The following HACD4 variants were observed in gnomAD, a reference collection of about 807,000 sequenced individuals.
The protein encoded by HACD4 is very-long-chain (3R)-3-hydroxyacyl-CoA dehydratase 4.
In HACD4, 35 loss-of-function variants were observed where a neutral mutation model predicts 33.3. That is an observed-to-expected ratio of 1.05 (90% CI 0.80 to 1.39). HACD4 has a LOEUF of 1.39. Among genes scored for constraint, HACD4 ranks in the 40% most tolerant of loss-of-function variants. The pLI, the probability that HACD4 is intolerant of heterozygous loss-of-function variation, is 0.00. For synonymous variants in HACD4, 118 were observed against 98.0 expected (o/e 1.20, Z -1.21); for missense variants, 323 against 276.5 (o/e 1.17, Z -1.19).
intron 3 of HACD4, among the ~76,000 whole-genome samples, chr9:21,021,247 T>G (rs6475498): frequency 6.6e-6 from 1 of 152,000 alleles, no homozygotes; most frequent in South Asian, 2.1e-4. Flanking sequence ...TAAGAGCTAT[T>G]TATGACAAAC....
At chr9:21,031,124 C>A (rs1425618687) in intron 1 of HACD4, among the ~76,000 whole-genome samples, 1 of 152,128 alleles carries the variant, frequency 6.6e-6, no homozygotes, top group Non-Finnish European at 1.5e-5. Flanking sequence ...ACCCCCAGGC[C>A]CTACCGCTAT....
At position 21,029,234 on chromosome 9, in the gene HACD4, CA is replaced by C. The variant is rs1818142002; in HGVS notation, c.142+60del. 11 of 917,758 alleles carry C rather than the reference CA, an allele frequency of 1.2e-5. No individual in the cohort carries two copies. The South Asian group carries it at 1.6e-4, about 13-fold the overall frequency. 56.9% of individuals were successfully genotyped at this position (917,758 alleles called of 1,614,324 possible). A position where few individuals can be genotyped will look rare whatever the true frequency, so the allele number is the denominator to read the frequency against. On this transcript the variant is annotated intron_variant, in intron 2 of 6. Transcript: ENST00000495827. Reference sequence around the variant, plus strand: ...GAGGTGTGTAGAAATTTAATATAAGCAGGATGAGGTGAAAACAAGGATTAAA... The same window carrying C: ...GAGGTGTGTAGAAATTTAATATAAGCGGATGAGGTGAAAACAAGGATTAAA...
In HACD4 at chr9:21,002,703, AG is replaced by A. The variant is rs1842185786; in HGVS notation, c.*4333del. 2 of 152,186 alleles carry A rather than the reference AG, an allele frequency of 1.3e-5. No homozygotes were observed. The highest frequency in any genetic ancestry group is 2.9e-5 in the Non-Finnish European group (2 of 68,018). The allele number at this position is 152,186 out of a possible 1,614,324, so 9.4% of individuals were successfully genotyped here. ...CTGCACACTTAAAAAGGAATAAGAT[AG>A]TATATTTTACATTTTACCACAATAA... On this transcript the variant is annotated 3_prime_UTR_variant, in exon 7 of 7. Coordinates refer to ENST00000495827, the MANE Select transcript of HACD4 (RefSeq NM_001010915.5).
At chr9:21,008,249 A>C in intron 5 of HACD4, 103 bp from the exon 6 acceptor site, 1 of 1,041,880 alleles carries the variant, frequency 9.6e-7, no homozygotes, top group Non-Finnish European at 1.3e-6. Flanking sequence ...TTTGATAATG[A>C]CAGTTTTGTA....
chr9:21,027,390 T>G (rs1257469842), intron 2 of HACD4, among the ~76,000 whole-genome samples: 2 of 152,222 alleles, frequency 1.3e-5, no homozygotes, highest in Non-Finnish European at 2.9e-5. Flanking sequence ...GATAAATGTG[T>G]TGCTTTAAGT....
At position 21,006,666 on chromosome 9, in the gene HACD4, A is replaced by C. The variant is rs900627983; in HGVS notation, c.*371T>G. 6 of 245,950 alleles carry C rather than the reference A, an allele frequency of 2.4e-5. No individual in the cohort carries two copies. Among genetic ancestry groups the C allele is most frequent in the African/African-American group, 2.4e-5 (1 of 42,334 alleles). The allele number at this position is 245,950 out of a possible 1,614,324, so 15.2% of individuals were successfully genotyped here. On this transcript the variant is annotated 3_prime_UTR_variant, in exon 7 of 7. Transcript: ENST00000495827. The surrounding 1 kb of genome is among the most constrained non-coding windows in gnomAD (Gnocchi z 4.6). ...ATTTGGGAACTTGGAAGTGAAAAAG[A>C]ATACATGTAATTTAGGTTATCAAGT...
Position 21,026,693 on chromosome 9 carries a change from C to T in HACD4, c.173G>A (p.Gly58Glu). ...DSMVDTFYAI[G>E]LVMRLCQSVS... ...GGATTGGCAAAGTCGCATCACAAGT[C>T]CAATAGCATAAAAAGTGTCAACCAT... Residue 58 changes from glycine to glutamate, a missense_variant, in exon 3 of 7, where the codon GGA (glycine) becomes GAA (glutamate). By Grantham distance (98) the Gly-to-Glu change is moderately conservative. Transcript: ENST00000495827. 6.2e-7 allele frequency: 1 copy of T among 1,613,562 alleles called. No homozygotes were observed. Among genetic ancestry groups the T allele is most frequent in the Non-Finnish European group, 8.5e-7 (1 of 1,179,542 alleles).
At chr9:21,020,758 T>C (rs1817888314) in intron 3 of HACD4, among the ~76,000 whole-genome samples, 2 of 152,220 alleles carry the variant, frequency 1.3e-5, no homozygotes, top group African/African-American at 2.4e-5. Context: ...ATATGATTTT[T>C]ATTGTCGTGT....
intron 5 of HACD4, among the ~76,000 whole-genome samples, chr9:21,010,564 C>T (rs982407802): frequency 1.3e-5 from 2 of 150,540 alleles, no homozygotes; most frequent in Non-Finnish European, 2.9e-5. Flanking sequence ...GACAGCAGTC[C>T]CCAACCTTTT....
intron 2 of HACD4, among the ~76,000 whole-genome samples, chr9:21,028,365 G>A (rs1818119331): frequency 6.6e-6 from 1 of 152,096 alleles, no homozygotes; most frequent in Non-Finnish European, 1.5e-5. Context: ...CATCACCTGT[G>A]TTTTCCTGTG....
At chr9:21,028,091 T>C (rs1275596364) in intron 2 of HACD4, among the ~76,000 whole-genome samples, 4 of 127,602 alleles carry the variant, frequency 3.1e-5, no homozygotes, top group Non-Finnish European at 6.2e-5. Context: ...GGTGACATCG[T>C]ACCATTGCAC....
chr9:21,022,979 C>G (rs571100711), intron 3 of HACD4, among the ~76,000 whole-genome samples: 32 of 152,174 alleles, frequency 2.1e-4, no homozygotes, highest in South Asian at 6.2e-4. Flanking sequence ...AAATGCCCAT[C>G]AATGATAGAC....
chr9:21,029,089 C>T (rs1818138005), intron 2 of HACD4, among the ~76,000 whole-genome samples: 1 of 152,212 alleles, frequency 6.6e-6, no homozygotes, highest in Admixed American at 6.5e-5. Context: ...AAACTGCCAA[C>T]TCAGGGGGAA....
At chr9:21,023,068 G>T (rs1279778303) in intron 3 of HACD4, among the ~76,000 whole-genome samples, 1 of 152,116 alleles carries the variant, frequency 6.6e-6, no homozygotes, top group Admixed American at 6.5e-5. Context: ...GTCCTTTGTA[G>T]GGACATGGAT....
intron 2 of HACD4, among the ~76,000 whole-genome samples, chr9:21,028,782 C>CTA (rs143202590): frequency 0.024 from 3,677 of 152,212 alleles, 125 homozygotes; most frequent in African/African-American, 0.081. Context: ...ATGCTGACTC[C>CTA]TATATAAGTG....
intron 3 of HACD4, among the ~76,000 whole-genome samples, chr9:21,017,246 G>A (rs1219870291): frequency 2.0e-5 from 3 of 152,074 alleles, no homozygotes; most frequent in African/African-American, 4.8e-5. Context: ...TGCCAACAGT[G>A]GGCCACATGA....
chr9:21,010,456 A>AGCC (rs1353043927), intron 5 of HACD4, among the ~76,000 whole-genome samples: 1 of 105,006 alleles, frequency 9.5e-6, no homozygotes, highest in Non-Finnish European at 1.9e-5. Flanking sequence ...ACATCCTGGT[A>AGCC]CCCCCCCCCC....
At chr9:21,020,289 T>C (rs897479839) in intron 3 of HACD4, among the ~76,000 whole-genome samples, 4 of 152,152 alleles carry the variant, frequency 2.6e-5, no homozygotes, top group African/African-American at 7.2e-5. Flanking sequence ...AAATGAAATA[T>C]TGGCATTTAA....
In HACD4 at chr9:21,016,966, CTAAATA is replaced by C. The variant is rs577044993; in HGVS notation, c.271-962_271-957del. 2.3e-3 allele frequency among the ~76,000 whole-genome samples: 350 copies of C among 152,126 alleles called. 2 individuals are homozygous for C. The highest frequency in any genetic ancestry group is 7.9e-3 in the African/African-American group (327 of 41,514). ...AAAAAATACATTCCTTTTTCCCAAC[CTAAATA>C]TAAAGTGCCTTCTTATGTTATATTA... is the stretch of plus-strand genomic sequence containing the variant. On this transcript the variant is annotated intron_variant, in intron 3 of 6. Coordinates refer to ENST00000495827, the MANE Select transcript of HACD4 (RefSeq NM_001010915.5).
Sources: allele counts gnomAD v4.1 joint callset (sites outside exome capture counted in the v4.1 genomes callset), GRCh38; gene constraint gnomAD v4.1.1; non-coding constraint Gnocchi (gnomAD v3.1); transcripts MANE v1.5; gene names NCBI Gene and HGNC (gene_info 2026-07-23, HGNC 2026-07-21).